Variants in XPR1 observed in about 807,000 individuals in gnomAD.
XPR1 encodes xenotropic and polytropic retrovirus receptor 1.
A neutral mutation model predicts 87.5 loss-of-function variants in XPR1; 28 were observed. The observed-to-expected ratio is 0.32, with a 90% confidence interval of 0.24 to 0.44. The LOEUF (loss-of-function observed/expected upper bound fraction) is 0.44, where lower values mean the gene tolerates loss of function less well. XPR1 is among the 20% of genes least tolerant of loss of function. The pLI is 1.00. For synonymous variants in XPR1, 300 were observed against 306.1 expected (o/e 0.98, Z 0.21); for missense variants, 559 against 862.3 (o/e 0.65, Z 4.41).
At chr1:180,692,786 GATA>G (rs1409950998) in intron 2 of XPR1, among the ~76,000 whole-genome samples, 2 of 152,080 alleles carry the variant, frequency 1.3e-5, no homozygotes, top group African/African-American at 4.8e-5. Context: ...TATGACGTTA[GATA>G]ATGATATAAA....
chr1:180,807,054 A>G (rs1650018898), intron 6 of XPR1, among the ~76,000 whole-genome samples: 1 of 152,140 alleles, frequency 6.6e-6, no homozygotes, highest in African/African-American at 2.4e-5. Context: ...GAGCTTCCAT[A>G]GCCTAATGAA....
intron 1 of XPR1, among the ~76,000 whole-genome samples, chr1:180,681,565 A>G (rs755478366): frequency 6.6e-6 from 1 of 152,130 alleles, no homozygotes; most frequent in Non-Finnish European, 1.5e-5. Flanking sequence ...AGAATGGCAT[A>G]AACCTGGGAG....
At chr1:180,643,362 A>G (rs1023451891) in intron 1 of XPR1, among the ~76,000 whole-genome samples, 11 of 152,158 alleles carry the variant, frequency 7.2e-5, no homozygotes, top group Non-Finnish European at 1.6e-4. Flanking sequence ...ATTGGCAGAC[A>G]TTTTTCCATT....
intron 2 of XPR1, among the ~76,000 whole-genome samples, chr1:180,683,616 C>G (rs538692285): frequency 2.0e-5 from 3 of 152,302 alleles, no homozygotes; most frequent in African/African-American, 7.2e-5. Context: ...TCCACATCCT[C>G]TCCAGCACCT....
intron 1 of XPR1, among the ~76,000 whole-genome samples, chr1:180,659,438 T>G: frequency 1.2e-5 from 1 of 86,778 alleles, no homozygotes; most frequent in African/African-American, 4.6e-5. Flanking sequence ...CTTCCTTCCT[T>G]CTTCCCTCCT....
At chr1:180,743,449 A>G (rs1053253319) in intron 2 of XPR1, among the ~76,000 whole-genome samples, 1 of 152,072 alleles carries the variant, frequency 6.6e-6, no homozygotes, top group South Asian at 2.1e-4. Flanking sequence ...TGATTGTCTT[A>G]TGTTGACATC....
intron 2 of XPR1, among the ~76,000 whole-genome samples, chr1:180,693,377 A>G (rs1477735234): frequency 6.6e-6 from 1 of 152,242 alleles, no homozygotes; most frequent in Non-Finnish European, 1.5e-5. Context: ...GTATCATTGA[A>G]TAAAGGAAAA....
intron 1 of XPR1, among the ~76,000 whole-genome samples, chr1:180,638,412 C>G (rs1364567802): frequency 6.6e-6 from 1 of 152,058 alleles, no homozygotes; most frequent in Non-Finnish European, 1.5e-5. Flanking sequence ...TGTGGGTTGC[C>G]TGGTATTGAG....
At chr1:180,707,482 G>A (rs1317545155) in intron 2 of XPR1, among the ~76,000 whole-genome samples, 1 of 152,208 alleles carries the variant, frequency 6.6e-6, no homozygotes, top group Non-Finnish European at 1.5e-5. Flanking sequence ...TGTTTTTCAA[G>A]TTATACCTGT....
intron 2 of XPR1, among the ~76,000 whole-genome samples, chr1:180,704,278 T>TATATATC (rs1192955477): frequency 3.1e-5 from 1 of 31,902 alleles, no homozygotes; most frequent in Non-Finnish European, 7.7e-5. Flanking sequence ...ATATATATAT[T>TATATATC]ATCAGATTAT....
chr1:180,787,907 C>A, intron 3 of XPR1, 53 bp downstream of exon 3: 1 of 1,313,208 alleles, frequency 7.6e-7, no homozygotes, highest in Non-Finnish European at 1.1e-6. Context: ...TAAATTGTAC[C>A]ATATCATTGT....
intron 2 of XPR1, among the ~76,000 whole-genome samples, chr1:180,716,653 A>G (rs1466066377): frequency 6.6e-6 from 1 of 152,156 alleles, no homozygotes. Context: ...TTCAGGTTCT[A>G]AACTTCACAC....
At chr1:180,875,648 G>A (rs1228797221) in intron 13 of XPR1, among the ~76,000 whole-genome samples, 1 of 151,846 alleles carries the variant, frequency 6.6e-6, no homozygotes, top group African/African-American at 2.4e-5. Flanking sequence ...AAAGTATATA[G>A]CTCAGGAAAT....
chr1:180,856,486 G>GT (rs1652038039), intron 11 of XPR1, among the ~76,000 whole-genome samples: 1 of 152,110 alleles, frequency 6.6e-6, no homozygotes, highest in African/African-American at 2.4e-5. Flanking sequence ...AAGCTTTTTA[G>GT]TTTTTTCCAG....
chr1:180,640,319 A>T (rs1481421181), intron 1 of XPR1, among the ~76,000 whole-genome samples: 1 of 152,208 alleles, frequency 6.6e-6, no homozygotes, highest in Non-Finnish European at 1.5e-5. Flanking sequence ...TGTATCAGGC[A>T]CTGTGGTAAG....
intron 7 of XPR1, among the ~76,000 whole-genome samples, chr1:180,821,760 G>GT (rs1383271213): frequency 6.6e-6 from 1 of 152,102 alleles, no homozygotes; most frequent in Non-Finnish European, 1.5e-5. Context: ...CTTGGTAAAA[G>GT]TTATTTCTAG....
intron 1 of XPR1, among the ~76,000 whole-genome samples, chr1:180,675,184 C>CT (rs1378669238): frequency 2.6e-5 from 4 of 152,082 alleles, no homozygotes; most frequent in Admixed American, 2.6e-4. Context: ...ATCACAGAAA[C>CT]AGTCTGTGGT....
chr1:180,659,237 C>A, intron 1 of XPR1, among the ~76,000 whole-genome samples: 1 of 23,926 alleles, frequency 4.2e-5, no homozygotes, highest in Non-Finnish European at 1.1e-4. Context: ...TTCCTTCCTT[C>A]CTTCCTTCCT....
At chr1:180,748,045 C>T (rs887313695) in intron 2 of XPR1, among the ~76,000 whole-genome samples, 1 of 152,192 alleles carries the variant, frequency 6.6e-6, no homozygotes, top group African/African-American at 2.4e-5. Context: ...TAAATTATAT[C>T]TTTGATAACC....
Sources: gnomAD v4.1 joint callset for allele counts (sites outside exome capture counted in the v4.1 genomes callset) on GRCh38, gnomAD v4.1.1 for gene constraint, MANE v1.5 for transcripts, NCBI Gene and HGNC (gene_info 2026-07-23, HGNC 2026-07-21) for gene names.